XPR1: variants seen among roughly 807,000 people sequenced by gnomAD.
XPR1 encodes the protein xenotropic and polytropic retrovirus receptor 1, also known as solute carrier family 53 member 1.
A neutral mutation model predicts 87.5 loss-of-function variants in XPR1; 28 were observed. That is an observed-to-expected ratio of 0.32 (90% CI 0.24 to 0.44). XPR1 has a LOEUF of 0.44. Among genes scored for constraint, XPR1 ranks in the 20% least tolerant of loss-of-function variants. The pLI is 1.00. For synonymous variants in XPR1, 300 were observed against 306.1 expected, an observed-to-expected ratio of 0.98 and a Z score of 0.21; for missense variants, 559 against 862.3, an observed-to-expected ratio of 0.65 and a Z score of 4.41.
intron 2 of XPR1, among the ~76,000 whole-genome samples, chr1:180,744,204 A>G (rs774516500): frequency 1.3e-5 from 2 of 151,942 alleles, no homozygotes; most frequent in Non-Finnish European, 2.9e-5. Flanking sequence ...ATTTCTGTTG[A>G]TCTGTCTTCA....
At chr1:180,865,307 C>G (rs1168542531) in intron 12 of XPR1, among the ~76,000 whole-genome samples, 1 of 151,922 alleles carries the variant, frequency 6.6e-6, no homozygotes, top group Non-Finnish European at 1.5e-5. Context: ...TAGATAGGAG[C>G]TCAGTTAAAA....
chr1:180,645,195 C>T (rs569008335), intron 1 of XPR1, among the ~76,000 whole-genome samples: 2 of 152,310 alleles, frequency 1.3e-5, no homozygotes, highest in South Asian at 2.1e-4. Flanking sequence ...GCCAGTTCAC[C>T]TGGTTTATTC....
chr1:180,781,706 A>C (rs1163670781), intron 2 of XPR1, among the ~76,000 whole-genome samples: 2 of 150,944 alleles, frequency 1.3e-5, no homozygotes, highest in African/African-American at 4.9e-5. Context: ...TTTAGGGTAC[A>C]TGTGTACAAC....
chr1:180,647,902 CAAAA>C (rs1009441967), intron 1 of XPR1, among the ~76,000 whole-genome samples: 232 of 55,920 alleles, frequency 4.1e-3, no homozygotes, highest in African/African-American at 0.012. Context: ...CTCTTATCTG[CAAAA>C]AAAAAAAAAA....
intron 6 of XPR1, among the ~76,000 whole-genome samples, chr1:180,809,071 T>C (rs1286894058): frequency 6.6e-6 from 1 of 152,140 alleles, no homozygotes; most frequent in Non-Finnish European, 1.5e-5. Context: ...GAAACACTAC[T>C]TAGCAATAAA....
chr1:180,856,956 G>A (rs1373559590), intron 11 of XPR1, among the ~76,000 whole-genome samples: 1 of 152,104 alleles, frequency 6.6e-6, no homozygotes, highest in Admixed American at 6.6e-5. Context: ...GAAATGTGCC[G>A]TAAGTATAAC....
intron 1 of XPR1, among the ~76,000 whole-genome samples, chr1:180,653,862 C>T (rs973099832): frequency 5.3e-5 from 8 of 151,982 alleles, no homozygotes; most frequent in African/African-American, 1.2e-4. Context: ...TCCTATATAG[C>T]GTGGATATAC....
chr1:180,862,999 C>T (rs1167326525), intron 11 of XPR1, among the ~76,000 whole-genome samples: 1 of 152,040 alleles, frequency 6.6e-6, no homozygotes, highest in Admixed American at 6.6e-5. Flanking sequence ...TCATTATTCT[C>T]ATTTAGTGTG....
At chr1:180,873,183 C>A (rs905990575) in intron 12 of XPR1, among the ~76,000 whole-genome samples, 6 of 152,128 alleles carry the variant, frequency 3.9e-5, no homozygotes, top group African/African-American at 1.2e-4. Flanking sequence ...GTACTTAAGA[C>A]TTTTGTGTAG....
In XPR1 at chr1:180,814,992, A is replaced by G. The variant is rs369862116; in HGVS notation, c.763+3504A>G. ...AGAATATTAGATGATAAGGGTGAAA[A>G]GATAGCTTGAGGCCAGCTCATAGGG... On this transcript the variant is annotated intron_variant, in intron 7 of 14. Transcript: ENST00000367590. Among the ~76,000 whole-genome samples the G allele has an allele frequency of 1.8e-3, 267 of 152,216 alleles. 1 individual carries two copies. Among genetic ancestry groups the G allele is most frequent in the African/African-American group, 6.3e-3 (260 of 41,552 alleles).
chr1:180,883,302 A>ATGC (rs1652902198), intron 14 of XPR1, among the ~76,000 whole-genome samples: 1 of 151,972 alleles, frequency 6.6e-6, no homozygotes, highest in Non-Finnish European at 1.5e-5. Flanking sequence ...CTCACTTGAT[A>ATGC]TGCATACTGT....
At chr1:180,862,614 A>T (rs1473331241) in intron 11 of XPR1, among the ~76,000 whole-genome samples, 1 of 152,154 alleles carries the variant, frequency 6.6e-6, no homozygotes, top group African/African-American at 2.4e-5. Context: ...TTATCAATTT[A>T]TAATGAATGA....
At chr1:180,714,350 TCTCTCTC>T (rs1194252825) in intron 2 of XPR1, among the ~76,000 whole-genome samples, 49 of 6,502 alleles carry the variant, frequency 7.5e-3, no homozygotes, top group Middle Eastern at 0.071. Flanking sequence ...TTTTCCCTGT[TCTCTCTC>T]TCTCTCTCTC....
intron 2 of XPR1, among the ~76,000 whole-genome samples, chr1:180,781,219 T>C (rs1039441638): frequency 2.6e-5 from 4 of 152,044 alleles, no homozygotes; most frequent in Non-Finnish European, 4.4e-5. Flanking sequence ...ATGAACATTG[T>C]TTCAACATTT....
chr1:180,665,895 T>A (rs1655944163), intron 1 of XPR1, among the ~76,000 whole-genome samples: 1 of 152,074 alleles, frequency 6.6e-6, no homozygotes, highest in African/African-American at 2.4e-5. Flanking sequence ...AAATTTGATG[T>A]TCCTGTGGGG....
chr1:180,877,707 TTA>T lies in XPR1; in HGVS notation c.1809-2367_1809-2366del, dbSNP rs375233483. On this transcript the variant is annotated intron_variant, in intron 13 of 14. Transcript: ENST00000367590. ...GCTGTACATTTTTTATTTGCATACT[TTA>T]TGTGTGATATACTTCTGTTGAAATG... is the stretch of plus-strand genomic sequence containing the variant. Among the ~76,000 whole-genome samples the T allele has an allele frequency of 1.1e-3, 172 of 152,276 alleles. No individual in the cohort carries two copies. The South Asian group carries it at 0.02, about 18-fold the overall frequency.
At chr1:180,674,790 G>C (rs900215188) in intron 1 of XPR1, among the ~76,000 whole-genome samples, 1 of 152,120 alleles carries the variant, frequency 6.6e-6, no homozygotes, top group African/African-American at 2.4e-5. Context: ...CTGTTATGCT[G>C]CCTCACTGTA....
chr1:180,814,726 A>G (rs1650339143), intron 7 of XPR1, among the ~76,000 whole-genome samples: 1 of 152,220 alleles, frequency 6.6e-6, no homozygotes, highest in Admixed American at 6.5e-5. Context: ...ATACTGCAAG[A>G]TAGAAGGTGT....
At chr1:180,698,732 G>C (rs1270967817) in intron 2 of XPR1, among the ~76,000 whole-genome samples, 1 of 150,856 alleles carries the variant, frequency 6.6e-6, no homozygotes, top group Non-Finnish European at 1.5e-5. Context: ...TGCACATTTG[G>C]AAAAAAAAAT....
Sources: allele counts gnomAD v4.1 joint callset (sites outside exome capture counted in the v4.1 genomes callset), GRCh38; gene constraint gnomAD v4.1.1; transcripts MANE v1.5; gene names NCBI Gene and HGNC (gene_info 2026-07-23, HGNC 2026-07-21).